INO80: variants seen among roughly 807,000 people sequenced by gnomAD.
INO80 encodes the protein chromatin-remodeling ATPase INO80.
In INO80, 20 loss-of-function variants were observed where a neutral mutation model predicts 203.4. The ratio of observed to expected loss-of-function variants is 0.10; its 90% CI spans 0.07 to 0.14. The LOEUF is 0.14. INO80 is among the 10% of genes least tolerant of loss of function. The pLI, the probability that INO80 is intolerant of heterozygous loss-of-function variation, is 1.00. For missense variants in INO80, 1,419 were observed against 1,914.4 expected, an observed-to-expected ratio of 0.74 and a Z score of 4.83; for synonymous variants, 726 against 685.2, an observed-to-expected ratio of 1.06 and a Z score of -0.93.
chr15:40,989,378 C>T (rs1295699209), intron 29 of INO80, among the ~76,000 whole-genome samples: 1 of 152,206 alleles, frequency 6.6e-6, no homozygotes, highest in Non-Finnish European at 1.5e-5. Flanking sequence ...GATCCTAAAA[C>T]AAACTCCTCA....
rs377524856 is a variant in INO80, at chr15:41,048,662, A to G, written c.2577-386T>C. Among the ~76,000 whole-genome samples the G allele has an allele frequency of 2.4e-4, 36 of 152,336 alleles. No homozygotes were observed. The East Asian group carries it at 2.5e-3, about 11-fold the overall frequency. On this transcript the variant is annotated intron_variant, in intron 21 of 35. Coordinates refer to ENST00000648947, the MANE Select transcript of INO80 (RefSeq NM_017553.3). ...AATCCAAGAAATGTGTTTCAATTTC[A>G]GTTTCATTAAACTAAATATTGGTGA...
chr15:41,047,358 C>T, intron 23 of INO80, 50 bp downstream of exon 23: 1 of 1,064,954 alleles, frequency 9.4e-7, no homozygotes, highest in Non-Finnish European at 1.5e-6. Flanking sequence ...CAATATCTAT[C>T]CCATTTATTC....
At chr15:41,066,696 G>A (rs1039342977) in intron 14 of INO80, among the ~76,000 whole-genome samples, 4 of 151,798 alleles carry the variant, frequency 2.6e-5, no homozygotes, top group African/African-American at 7.3e-5. Context: ...AGGGTGTGGC[G>A]CTGCATGCCG....
At chr15:41,081,221 T>C (rs979489353) in intron 7 of INO80, 148 bp from the exon 8 acceptor site, 7 of 585,946 alleles carry the variant, frequency 1.2e-5, no homozygotes, top group African/African-American at 3.8e-5. Flanking sequence ...TCCAGATGTA[T>C]TGTCTCAACG....
At chr15:41,111,163 AGGCCAGCCGTG>A (rs2045953068) in intron 1 of INO80, among the ~76,000 whole-genome samples, 1 of 152,202 alleles carries the variant, frequency 6.6e-6, no homozygotes, top group Admixed American at 6.6e-5. Context: ...AAAATAAAAT[AGGCCAGCCGTG>A]GTGGTTCACG....
rs555381572 is a variant in INO80, at chr15:41,077,903, CT to C, written c.1131+1797del. Reference sequence around the variant, plus strand: ...AAACAATTAAGAAAAAGAATAACATCTTTTTTTTTTTTTTTGAGATGGATTC... The same window carrying C: ...AAACAATTAAGAAAAAGAATAACATCTTTTTTTTTTTTTTGAGATGGATTC... On this transcript the variant is annotated intron_variant, in intron 9 of 35. Transcript: ENST00000648947. 8.6e-3 allele frequency among the ~76,000 whole-genome samples: 1,203 copies of C among 139,076 alleles called. 3 individuals carry two copies. Among genetic ancestry groups the C allele is most frequent in the South Asian group, 0.021 (90 of 4,368 alleles). 91.2% of individuals were successfully genotyped at this position (139,076 alleles called of 152,430 possible). A position where few individuals can be genotyped will look rare whatever the true frequency, so the allele number is the denominator to read the frequency against.
Position 41,031,614 on chromosome 15 carries a change from G to GGAGGA in INO80, c.2908-3879_2908-3878insTCCTC, listed in dbSNP as rs2044473088. ...GGGAGGGAGGGAGGGAGGAAGGGAGGAGGGAGGAAGGGAGGAAGGGAGGAA... is the reference window on the plus strand; with the variant it reads ...GGGAGGGAGGGAGGGAGGAAGGGAGGGAGGAAGGGAGGAAGGGAGGAAGGGAGGAA... On this transcript the variant is annotated intron_variant, in intron 24 of 35. Transcript: ENST00000648947. Among the ~76,000 whole-genome samples, 7 of 4,418 alleles carry GGAGGA rather than the reference G, an allele frequency of 1.6e-3. 1 individual carries two copies. Among genetic ancestry groups the GGAGGA allele is most frequent in the African/African-American group, 2.0e-3 (4 of 1,970 alleles). The allele number at this position is 4,418 out of a possible 152,430, so 2.9% of individuals were successfully genotyped here. A position where few individuals can be genotyped will look rare whatever the true frequency, so the allele number is the denominator to read the frequency against.
intron 26 of INO80, among the ~76,000 whole-genome samples, chr15:41,020,363 A>G (rs1275989674): frequency 2.0e-5 from 3 of 152,224 alleles, no homozygotes; most frequent in South Asian, 2.1e-4. Context: ...AGTTTCCTTA[A>G]AAGTAGTCTC....
At chr15:41,017,770 G>C (rs2044232628) in intron 26 of INO80, 1 of 152,316 alleles carries the variant, frequency 6.6e-6, no homozygotes, top group South Asian at 2.1e-4. Flanking sequence ...CCCGCTCCCT[G>C]AAGCTGTGGC....
At chr15:41,002,583 G>A (rs1453706898) in intron 28 of INO80, among the ~76,000 whole-genome samples, 1 of 152,140 alleles carries the variant, frequency 6.6e-6, no homozygotes, top group Non-Finnish European at 1.5e-5. Context: ...AGCTCTGGTT[G>A]GGGTCTATAT....
At chr15:41,113,287 CAG>C (rs1291487162) in intron 1 of INO80, among the ~76,000 whole-genome samples, 7 of 150,884 alleles carry the variant, frequency 4.6e-5, no homozygotes, top group Non-Finnish European at 7.4e-5. Flanking sequence ...TTTTTTGAGA[CAG>C]AGTTTTGCTC....
chr15:41,100,439 T>C (rs1413350332), intron 1 of INO80, among the ~76,000 whole-genome samples: 1 of 152,230 alleles, frequency 6.6e-6, no homozygotes, highest in Non-Finnish European at 1.5e-5. Context: ...AAAAACAATT[T>C]GTTGAAGAAA....
chr15:41,095,066 C>T (rs1193765821), intron 4 of INO80, among the ~76,000 whole-genome samples: 3 of 150,734 alleles, frequency 2.0e-5, no homozygotes, highest in African/African-American at 4.9e-5. Flanking sequence ...AGGCTGGGTG[C>T]GGTGGCTCAC....
chr15:41,036,810 G>A (rs556551572), intron 24 of INO80, among the ~76,000 whole-genome samples: 5 of 152,274 alleles, frequency 3.3e-5, no homozygotes, highest in South Asian at 4.1e-4. Context: ...AGCCAGGCAC[G>A]GTGGCTCACG....
intron 24 of INO80, among the ~76,000 whole-genome samples, chr15:41,035,380 G>C (rs1429522205): frequency 6.6e-6 from 1 of 152,026 alleles, no homozygotes; most frequent in East Asian, 1.9e-4. Context: ...CCAAAAATTA[G>C]CTGGGTGTAG....
chr15:41,100,857 C>T (rs1194807489), intron 1 of INO80, among the ~76,000 whole-genome samples: 1 of 148,474 alleles, frequency 6.7e-6, no homozygotes, highest in Non-Finnish European at 1.5e-5. Flanking sequence ...GAGACAGAGG[C>T]TCCCTCTGTC....
At chr15:41,089,084 G>A (rs1373390621) in intron 5 of INO80, among the ~76,000 whole-genome samples, 12 of 152,144 alleles carry the variant, frequency 7.9e-5, no homozygotes, top group Non-Finnish European at 1.3e-4. Flanking sequence ...CAGCTACTTG[G>A]GAGACTAAGA....
At chr15:41,099,180 G>A (rs2045767836) in intron 1 of INO80, among the ~76,000 whole-genome samples, 2 of 138,240 alleles carry the variant, frequency 1.4e-5, no homozygotes, top group South Asian at 4.6e-4. Context: ...AGGAAGTCAA[G>A]GCTGCAGTGA....
chr15:41,096,853 G>T (rs2045732468), intron 1 of INO80, among the ~76,000 whole-genome samples: 1 of 152,194 alleles, frequency 6.6e-6, no homozygotes, highest in African/African-American at 2.4e-5. Context: ...CAAGGGAATA[G>T]ATGTATTGGC....
Sources: gnomAD v4.1 joint callset for allele counts (sites outside exome capture counted in the v4.1 genomes callset) on GRCh38, gnomAD v4.1.1 for gene constraint, MANE v1.5 for transcripts, NCBI Gene and HGNC (gene_info 2026-07-23, HGNC 2026-07-21) for gene names.